Variants in TMEM41B observed in about 807,000 individuals in gnomAD.
TMEM41B encodes protein stasimon.
A neutral mutation model predicts 31.9 loss-of-function variants in TMEM41B; 18 were observed. The observed-to-expected ratio is 0.56, with a 90% confidence interval of 0.39 to 0.84. TMEM41B has a LOEUF of 0.84. TMEM41B is among the 40% of genes least tolerant of loss of function. TMEM41B has a pLI of 0.00. For synonymous variants in TMEM41B, 144 were observed against 124.3 expected (o/e 1.16, Z -1.05); for missense variants, 322 against 348.0 (o/e 0.93, Z 0.59).
chr11:9,286,429 T>C, intron 6 of TMEM41B, 26 bp downstream of exon 6: 1 of 1,598,332 alleles, frequency 6.3e-7, no homozygotes, highest in Non-Finnish European at 8.5e-7. Flanking sequence ...AGTGAGCTCA[T>C]ACACAGCAAG....
At chr11:9,298,890 A>C (rs1032507671) in intron 2 of TMEM41B, among the ~76,000 whole-genome samples, 14 of 152,300 alleles carry the variant, frequency 9.2e-5, no homozygotes, top group African/African-American at 3.4e-4. Context: ...CCTGGTTGAA[A>C]GTCTAACTAC....
rs538372314 is a variant in TMEM41B at position 9,294,180 on chromosome 11, C to CA, written c.368+1078dup. Among the ~76,000 whole-genome samples the CA allele has an allele frequency of 1.1e-3, 82 of 73,442 alleles. 4 individuals are homozygous for CA. The highest frequency in any genetic ancestry group is 4.7e-3 in the African/African-American group (75 of 16,050). 48.2% of individuals were successfully genotyped at this position (73,442 alleles called of 152,430 possible). A position where few individuals can be genotyped will look rare whatever the true frequency, so the allele number is the denominator to read the frequency against. On this transcript the variant is annotated intron_variant, in intron 3 of 6. Transcript: ENST00000528080. ...TGGGTGACAGGGGGAGAACCTGTCTCAAAAAAAAAAAAAAAAAAAAAAAAA... is the reference window on the plus strand; with the variant it reads ...TGGGTGACAGGGGGAGAACCTGTCTCAAAAAAAAAAAAAAAAAAAAAAAAAA...
chr11:9,281,327 A>G lies in TMEM41B; in HGVS notation c.*2097T>C, dbSNP rs924007555. On this transcript the variant is annotated 3_prime_UTR_variant, in exon 7 of 7. Transcript: ENST00000528080. The stretch of plus-strand genomic sequence containing the variant: ...TCAGTCAGTCTCTGGGCAATAAGAA[A>G]GGAAGAAAGCCTTGCTAGAAATAAT... The G allele has an allele frequency of 7.9e-5, 12 of 152,354 alleles. No homozygotes were observed. The highest frequency in any genetic ancestry group is 3.4e-3 in the Middle Eastern group (1 of 294). The allele number at this position is 152,354 out of a possible 1,614,324, so 9.4% of individuals were successfully genotyped here. A position where few individuals can be genotyped will look rare whatever the true frequency, so the allele number is the denominator to read the frequency against.
chr11:9,296,151 C>A (rs1853080495), intron 2 of TMEM41B, among the ~76,000 whole-genome samples: 1 of 151,978 alleles, frequency 6.6e-6, no homozygotes, highest in Non-Finnish European at 1.5e-5. Flanking sequence ...GCCACCATGC[C>A]CGGCTATAAA....
In TMEM41B at chr11:9,314,460, G is replaced by T. The variant is rs777253002; in HGVS notation, c.-19C>A. 1 of 1,548,484 alleles carries T rather than the reference G, an allele frequency of 6.5e-7. No individual in the cohort carries two copies. Among genetic ancestry groups the T allele is most frequent in the Non-Finnish European group, 8.7e-7 (1 of 1,145,222 alleles). ...TCGCCATGGCTGCTGCAAGGTGAAG[G>T]GAGCGGTGCGGTGCCGCGCCCCCTA... On this transcript the variant is annotated 5_prime_UTR_variant, in exon 1 of 7. Transcript: ENST00000528080.
intron 1 of TMEM41B, among the ~76,000 whole-genome samples, chr11:9,305,171 T>C (rs373818451): frequency 6.6e-6 from 1 of 151,904 alleles, no homozygotes; most frequent in Non-Finnish European, 1.5e-5. Context: ...AATAAAAAGC[T>C]ATTCAATAAA....
chr11:9,297,677 T>C (rs1853132281), intron 2 of TMEM41B, among the ~76,000 whole-genome samples: 2 of 151,536 alleles, frequency 1.3e-5, no homozygotes, highest in African/African-American at 2.4e-5. Context: ...GGCGACAGAG[T>C]GAGACTCTGT....
Position 9,295,244 on chromosome 11 carries a change from C to A in TMEM41B, c.368+15G>T. On this transcript the variant is annotated intron_variant, in intron 3 of 6. Transcript: ENST00000528080. Reference sequence around the variant, plus strand: ...TGAACAAAATTAGAAAACATTTTTTCAGTTAAAAGGATACAAAATATATGT... The same window carrying A: ...TGAACAAAATTAGAAAACATTTTTTAAGTTAAAAGGATACAAAATATATGT... 6.7e-7 allele frequency: 1 copy of A among 1,500,174 alleles called. No individual in the cohort carries two copies. The highest frequency in any genetic ancestry group is 9.0e-7 in the Non-Finnish European group (1 of 1,113,122). The allele number at this position is 1,500,174 out of a possible 1,614,324, so 92.9% of individuals were successfully genotyped here.
chr11:9,284,182 T>G (rs1053137986), intron 6 of TMEM41B, among the ~76,000 whole-genome samples: 1 of 152,012 alleles, frequency 6.6e-6, no homozygotes, highest in African/African-American at 2.4e-5. Context: ...TTTGACTCTA[T>G]CGCACAGGCT....
intron 1 of TMEM41B, among the ~76,000 whole-genome samples, chr11:9,310,627 C>T (rs1355881257): frequency 6.7e-6 from 1 of 148,194 alleles, no homozygotes; most frequent in Non-Finnish European, 1.5e-5. Context: ...CTAGTCCAGT[C>T]ACCTTCAAAC....
intron 1 of TMEM41B, 127 bp from the exon 2 acceptor site, chr11:9,299,828 T>TTAAGC (rs1853202624): frequency 2.7e-6 from 2 of 750,276 alleles, no homozygotes; most frequent in Non-Finnish European, 2.3e-6. Context: ...GACATTAAAT[T>TTAAGC]TAAGCACTGG....
chr11:9,313,283 A>G (rs904922792), intron 1 of TMEM41B, among the ~76,000 whole-genome samples: 3 of 70,996 alleles, frequency 4.2e-5, no homozygotes, highest in Non-Finnish European at 7.7e-5. Context: ...TAAGGCTGAC[A>G]GAGCCAAATT....
intron 6 of TMEM41B, among the ~76,000 whole-genome samples, chr11:9,284,163 C>T (rs1852784549): frequency 6.6e-6 from 1 of 151,948 alleles, no homozygotes; most frequent in African/African-American, 2.4e-5. Context: ...TGTTTTCTCC[C>T]CCCGAGAGTT....
intron 4 of TMEM41B, 81 bp from the exon 5 acceptor site, chr11:9,287,887 A>G: frequency 9.9e-7 from 1 of 1,010,628 alleles, no homozygotes; most frequent in Non-Finnish European, 1.5e-6. Flanking sequence ...TAAAAAGCTC[A>G]ATTAATTTAC....
At chr11:9,299,321 T>TACACACACACACACACACACACACACAC (rs1303303364) in intron 2 of TMEM41B, among the ~76,000 whole-genome samples, 6 of 10,522 alleles carry the variant, frequency 5.7e-4, no homozygotes, top group Admixed American at 4.9e-3. Flanking sequence ...TATATATACA[T>TACACACACACACACACACACACACACAC]ACATACACAC....
At chr11:9,289,347 G>A (rs547709953) in intron 3 of TMEM41B, among the ~76,000 whole-genome samples, 5 of 149,160 alleles carry the variant, frequency 3.4e-5, no homozygotes, top group East Asian at 2.0e-4. Context: ...CTTTCCTGTC[G>A]TTCCCAGTTT....
At chr11:9,283,635 T>C (rs757508479) in intron 6 of TMEM41B, 42 bp from the exon 7 acceptor site, 2 of 1,537,914 alleles carry the variant, frequency 1.3e-6, no homozygotes. Context: ...ACCACCGCAA[T>C]TGTTTTTAAA....
intron 3 of TMEM41B, among the ~76,000 whole-genome samples, chr11:9,290,040 C>T (rs988932442): frequency 7.6e-6 from 1 of 131,120 alleles, no homozygotes; most frequent in African/African-American, 2.8e-5. Context: ...AAAAACAAAA[C>T]ACACACACAC....
chr11:9,292,133 T>C (rs1380068431), intron 3 of TMEM41B, among the ~76,000 whole-genome samples: 3 of 152,228 alleles, frequency 2.0e-5, no homozygotes, highest in Non-Finnish European at 4.4e-5. Flanking sequence ...GCTCAAAGGA[T>C]CACTTAAGCA....
Sources: allele counts gnomAD v4.1 joint callset (sites outside exome capture counted in the v4.1 genomes callset), GRCh38; gene constraint gnomAD v4.1.1; transcripts MANE v1.5; gene names NCBI Gene and HGNC (gene_info 2026-07-23, HGNC 2026-07-21).